Variants in RGL1 observed in about 807,000 individuals in gnomAD.
RGL1 encodes the protein ral guanine nucleotide dissociation stimulator-like 1.
In RGL1, 24 loss-of-function variants were observed where a neutral mutation model predicts 95.2. The observed-to-expected ratio is 0.25, with a 90% CI of 0.18 to 0.35. RGL1 has a LOEUF of 0.35. RGL1 is among the 10% of genes least tolerant of loss of function. RGL1 has a pLI of 1.00. For missense variants in RGL1, 715 were observed against 936.3 expected (o/e 0.76, Z 3.08); for synonymous variants, 329 against 344.9 (o/e 0.95, Z 0.51).
chr1:183,743,877 T>A (rs983528372), intron 2 of RGL1, among the ~76,000 whole-genome samples: 4 of 152,182 alleles, frequency 2.6e-5, no homozygotes, highest in Non-Finnish European at 5.9e-5. Flanking sequence ...TTAAGGAGAA[T>A]GAGAAATTGC....
chr1:183,656,424 G>T (rs543067623), intron 1 of RGL1, among the ~76,000 whole-genome samples: 1 of 152,158 alleles, frequency 6.6e-6, no homozygotes, highest in Non-Finnish European at 1.5e-5. Context: ...CGTACTCAGC[G>T]AATTGTAACC....
rs1033002888 is a variant in RGL1, at chr1:183,847,614, A to G, written c.187A>G (p.Thr63Ala). 8.7e-6 allele frequency: 14 copies of G among 1,614,034 alleles called. No homozygotes were observed. The highest frequency in any genetic ancestry group is 3.3e-4 in the Middle Eastern group (2 of 6,062). The part of the protein sequence containing the change: ...PPGHTVSQYE[T>A]CKIRTIKAGT... ...AGGACACACAGTCAGTCAATATGAA[A>G]CCTGTAAGATCAGGACCATAAAAGC... The change falls in exon 3 of 18, where the codon ACC (threonine) becomes GCC (alanine). Residue 63 changes from threonine (T) to alanine (A), a missense_variant. Coordinates refer to ENST00000360851, the MANE Select transcript of RGL1 (RefSeq NM_001297671.3).
chr1:183,781,149 T>C (rs1165306899), intron 2 of RGL1, among the ~76,000 whole-genome samples: 1 of 152,236 alleles, frequency 6.6e-6, no homozygotes, highest in Non-Finnish European at 1.5e-5. Flanking sequence ...CAAAATCTCT[T>C]TTCTGAAGTA....
chr1:183,812,382 A>G (rs1167070560), intron 2 of RGL1, among the ~76,000 whole-genome samples: 1 of 152,158 alleles, frequency 6.6e-6, no homozygotes, highest in Non-Finnish European at 1.5e-5. Flanking sequence ...ATTTGCTAGT[A>G]AACACATCCA....
At chr1:183,661,796 A>T (rs951183568) in intron 1 of RGL1, among the ~76,000 whole-genome samples, 18 of 151,190 alleles carry the variant, frequency 1.2e-4, no homozygotes, top group Admixed American at 7.2e-4. Flanking sequence ...ATGAACATTG[A>T]TGCAAAAATC....
intron 1 of RGL1, among the ~76,000 whole-genome samples, chr1:183,676,986 A>T (rs1045692288): frequency 1.3e-5 from 2 of 151,868 alleles, no homozygotes; most frequent in Non-Finnish European, 2.9e-5. Context: ...TTAAAGCAAT[A>T]TCAGCAAATT....
intron 4 of RGL1, among the ~76,000 whole-genome samples, chr1:183,878,877 A>G (rs540565955): frequency 3.3e-5 from 5 of 152,236 alleles, no homozygotes; most frequent in Non-Finnish European, 7.3e-5. Flanking sequence ...CAGTGTCATC[A>G]TAAGAGTATC....
At chr1:183,847,542 G>A in intron 2 of RGL1, 24 bp from the exon 3 acceptor site, 1 of 1,593,344 alleles carries the variant, frequency 6.3e-7, no homozygotes, top group South Asian at 1.1e-5. Context: ...TTCTCCTTAT[G>A]GTAATTGTTA....
intron 1 of RGL1, 152 bp from the exon 2 acceptor site, chr1:183,806,223 T>C (rs1473433935): frequency 3.7e-6 from 2 of 545,862 alleles, no homozygotes; most frequent in Non-Finnish European, 6.4e-6. Context: ...TCTATCAAAA[T>C]GTGTCTTGTA....
intron 1 of RGL1, among the ~76,000 whole-genome samples, chr1:183,711,585 G>A (rs1655272099): frequency 6.6e-6 from 1 of 152,176 alleles, no homozygotes; most frequent in African/African-American, 2.4e-5. Context: ...ACAAAGGTGA[G>A]AGTCTAGGGG....
chr1:183,904,830 TGG>T lies in RGL1; in HGVS notation c.1351-19_1351-18del. ...TATTCAGTCTTTTTTTTTTAATTTT[TGG>T]TATTCTGTCTGCTTTAGGAATTTGA... On this transcript the variant is annotated intron_variant, in intron 12 of 17. Transcript: ENST00000360851. 1 of 1,581,748 alleles carries T rather than the reference TGG, an allele frequency of 6.3e-7. No individual in the cohort carries two copies. The highest frequency in any genetic ancestry group is 8.5e-7 in the Non-Finnish European group (1 of 1,169,858).
At chr1:183,691,052 TAAAAATA>T (rs980112727) in intron 1 of RGL1, among the ~76,000 whole-genome samples, 1 of 151,998 alleles carries the variant, frequency 6.6e-6, no homozygotes, top group Admixed American at 6.6e-5. Context: ...CTTTAAAAAA[TAAAAATA>T]AAAAATAAAA....
chr1:183,882,333 G>A (rs1666871363), intron 5 of RGL1, among the ~76,000 whole-genome samples: 1 of 152,162 alleles, frequency 6.6e-6, no homozygotes, highest in South Asian at 2.1e-4. Context: ...CACATACCCT[G>A]CTCCTTGACT....
chr1:183,901,383 A>C (rs1668014715), intron 11 of RGL1, among the ~76,000 whole-genome samples: 1 of 152,146 alleles, frequency 6.6e-6, no homozygotes, highest in Non-Finnish European at 1.5e-5. Context: ...ACTACTCTGG[A>C]GGCTGAGGCA....
intron 1 of RGL1, among the ~76,000 whole-genome samples, chr1:183,640,395 C>T (rs1277276706): frequency 6.6e-6 from 1 of 152,146 alleles, no homozygotes; most frequent in South Asian, 2.1e-4. Flanking sequence ...CTCCTTTGTG[C>T]TCTCCTGGCT....
At chr1:183,849,722 C>G (rs1025218591) in intron 3 of RGL1, among the ~76,000 whole-genome samples, 2 of 151,880 alleles carry the variant, frequency 1.3e-5, no homozygotes, top group Non-Finnish European at 2.9e-5. Flanking sequence ...ATCTCTTGAC[C>G]TCATGATCTG....
intron 9 of RGL1, among the ~76,000 whole-genome samples, chr1:183,894,223 C>T (rs1450254107): frequency 6.6e-6 from 1 of 152,178 alleles, no homozygotes; most frequent in Non-Finnish European, 1.5e-5. Context: ...GTCTTCCTTC[C>T]AAAGTAGATA....
intron 1 of RGL1, among the ~76,000 whole-genome samples, chr1:183,676,446 A>G (rs935130754): frequency 6.6e-5 from 10 of 151,704 alleles, no homozygotes; most frequent in African/African-American, 2.2e-4. Context: ...AAGCATTTCC[A>G]TTTCTTTCCA....
intron 1 of RGL1, among the ~76,000 whole-genome samples, chr1:183,687,354 A>T (rs1434280861): frequency 6.6e-6 from 1 of 152,192 alleles, no homozygotes; most frequent in Non-Finnish European, 1.5e-5. Flanking sequence ...TAATAGAAGA[A>T]GTCTGGTGCT....
Sources: allele counts gnomAD v4.1 joint callset (sites outside exome capture counted in the v4.1 genomes callset), GRCh38; gene constraint gnomAD v4.1.1; transcripts MANE v1.5; gene names NCBI Gene and HGNC (gene_info 2026-07-23, HGNC 2026-07-21).